ZNF438: variants seen among roughly 807,000 people sequenced by gnomAD.
The protein encoded by ZNF438 is zinc finger protein 438.
In ZNF438, 25 loss-of-function variants were observed where a neutral mutation model predicts 38.0. The observed-to-expected ratio is 0.66, with a 90% CI of 0.48 to 0.92. ZNF438 has a LOEUF of 0.92. Ranked by LOEUF, ZNF438 falls within the 40% of genes least tolerant of loss-of-function variation. The pLI, the probability that ZNF438 is intolerant of heterozygous loss-of-function variation, is 0.00. For synonymous variants in ZNF438, 372 were observed against 364.1 expected, an observed-to-expected ratio of 1.02 and a Z score of -0.25; for missense variants, 1,007 against 999.6, an observed-to-expected ratio of 1.01 and a Z score of -0.10.
chr10:30,909,852 T>C (rs1050481785), intron 2 of ZNF438, among the ~76,000 whole-genome samples: 2 of 152,248 alleles, frequency 1.3e-5, no homozygotes, highest in African/African-American at 4.8e-5. Context: ...TTCAAGCTGG[T>C]ATGCCATGCC....
chr10:30,981,483 A>G, intron 1 of ZNF438, among the ~76,000 whole-genome samples: 1 of 152,202 alleles, frequency 6.6e-6, no homozygotes, highest in Admixed American at 6.5e-5. Context: ...GACTGGAGAC[A>G]GCTCTTCTCT....
chr10:30,934,500 G>T (rs2046027466), intron 2 of ZNF438, among the ~76,000 whole-genome samples: 1 of 152,176 alleles, frequency 6.6e-6, no homozygotes, highest in Non-Finnish European at 1.5e-5. Flanking sequence ...ACATATATTT[G>T]AAGCATTTGT....
At chr10:30,954,478 C>T (rs2048640914) in intron 1 of ZNF438, among the ~76,000 whole-genome samples, 1 of 152,130 alleles carries the variant, frequency 6.6e-6, no homozygotes, top group African/African-American at 2.4e-5. Context: ...CTGTAAAACA[C>T]CTTGTTGAGA....
chr10:30,969,536 C>G (rs1458446344), intron 1 of ZNF438, among the ~76,000 whole-genome samples: 3 of 152,106 alleles, frequency 2.0e-5, no homozygotes, highest in Non-Finnish European at 2.9e-5. Flanking sequence ...GAAAACAGAA[C>G]AGTGGGAAGG....
intron 4 of ZNF438, among the ~76,000 whole-genome samples, chr10:30,858,510 AG>A (rs1346430012): frequency 6.6e-6 from 1 of 152,238 alleles, no homozygotes; most frequent in Non-Finnish European, 1.5e-5. Context: ...CAGCAGTCAG[AG>A]TCAACAGGAA....
At chr10:30,864,822 C>T (rs141916082) in intron 4 of ZNF438, among the ~76,000 whole-genome samples, 27 of 152,322 alleles carry the variant, frequency 1.8e-4, no homozygotes, top group East Asian at 7.7e-4. Context: ...ATTCTTCCCT[C>T]GAACCCCTAG....
intron 1 of ZNF438, among the ~76,000 whole-genome samples, chr10:30,972,952 AATCATCATCATC>A: frequency 6.6e-6 from 1 of 152,104 alleles, no homozygotes; most frequent in East Asian, 1.9e-4. Context: ...AGGGCAATTC[AATCATCATCATC>A]ATCATCATCA....
At chr10:30,948,409 C>T (rs369383697) in intron 1 of ZNF438, among the ~76,000 whole-genome samples, 42 of 152,176 alleles carry the variant, frequency 2.8e-4, no homozygotes, top group South Asian at 2.7e-3. Context: ...AGAATGACTT[C>T]GACGAGCTGA....
intron 2 of ZNF438, among the ~76,000 whole-genome samples, chr10:30,929,958 G>T (rs2045441907): frequency 2.6e-5 from 4 of 152,206 alleles, no homozygotes. Context: ...AGATATAAAA[G>T]TTCTCCAAGT....
chr10:30,892,810 C>CT (rs1287354511), intron 3 of ZNF438, among the ~76,000 whole-genome samples: 1 of 152,160 alleles, frequency 6.6e-6, no homozygotes, highest in Non-Finnish European at 1.5e-5. Flanking sequence ...ACATGCTGTT[C>CT]TTTTTTCACT....
intron 1 of ZNF438, among the ~76,000 whole-genome samples, chr10:30,992,766 AT>A (rs1387184991): frequency 1.3e-5 from 2 of 152,180 alleles, no homozygotes; most frequent in Non-Finnish European, 2.9e-5. Context: ...TGATAGAAAT[AT>A]GTAAAGGTCA....
In ZNF438 at chr10:30,981,604, G is replaced by A. The variant is rs567276569; in HGVS notation, c.-191-39953C>T. Among the ~76,000 whole-genome samples the A allele has an allele frequency of 2.5e-3, 376 of 152,282 alleles. 1 individual carries two copies. Among genetic ancestry groups the A allele is most frequent in the African/African-American group, 8.5e-3 (353 of 41,572 alleles). ...TACATAGAAAATGTTCAGGCCGGGC[G>A]TGATGGCTCACACCTGTAATCCCAG... On this transcript the variant is annotated intron_variant, in intron 1 of 5. Transcript: ENST00000413025.
rs79427336 is a variant in ZNF438, at chr10:30,916,046, G to A, written c.-114-7031C>T. Among the ~76,000 whole-genome samples the A allele has an allele frequency of 5.0e-3, 764 of 151,978 alleles. 9 individuals carry two copies. The highest frequency in any genetic ancestry group is 0.014 in the African/African-American group (590 of 41,496). ...TTTCCCTTCTTGAAGCAATAATGGC[G>A]GAACTTCTGAGAAACAGTCTCAGAA... On this transcript the variant is annotated intron_variant, in intron 2 of 5. Coordinates refer to ENST00000413025, the Ensembl canonical transcript of ZNF438.
At chr10:30,856,754 A>C (rs577536458) in intron 4 of ZNF438, among the ~76,000 whole-genome samples, 7 of 152,358 alleles carry the variant, frequency 4.6e-5, no homozygotes, top group African/African-American at 1.7e-4. Flanking sequence ...TGAAGACATA[A>C]AAGTGTCGCT....
At chr10:30,906,120 G>A (rs1265717032) in intron 3 of ZNF438, among the ~76,000 whole-genome samples, 1 of 152,170 alleles carries the variant, frequency 6.6e-6, no homozygotes, top group Non-Finnish European at 1.5e-5. Context: ...AATTTTCATA[G>A]AGACTGCATT....
chr10:30,858,225 A>C (rs1030560984), intron 4 of ZNF438, among the ~76,000 whole-genome samples: 1 of 152,226 alleles, frequency 6.6e-6, no homozygotes, highest in Non-Finnish European at 1.5e-5. Flanking sequence ...TCTGGTTTTA[A>C]TTTTATTAAA....
intron 2 of ZNF438, among the ~76,000 whole-genome samples, chr10:30,917,885 A>C (rs1016687858): frequency 6.6e-6 from 1 of 152,106 alleles, no homozygotes; most frequent in South Asian, 2.1e-4. Flanking sequence ...CCTACCCCCA[A>C]GTCATAAGGA....
chr10:30,910,706 G>A (rs1014665406), intron 2 of ZNF438, among the ~76,000 whole-genome samples: 4 of 127,762 alleles, frequency 3.1e-5, no homozygotes, highest in Non-Finnish European at 6.7e-5. Context: ...AAAAAAAGCC[G>A]CCTATATTTA....
intron 1 of ZNF438, among the ~76,000 whole-genome samples, chr10:30,976,499 T>C (rs925527112): frequency 6.6e-6 from 1 of 152,156 alleles, no homozygotes; most frequent in African/African-American, 2.4e-5. Context: ...CCCAGCACTT[T>C]GGGAGGCTAG....
Sources: allele counts gnomAD v4.1 joint callset (sites outside exome capture counted in the v4.1 genomes callset), GRCh38; gene constraint gnomAD v4.1.1; transcripts MANE v1.5; gene names NCBI Gene and HGNC (gene_info 2026-07-23, HGNC 2026-07-21).